The following SCRN1 variants were observed in gnomAD, a reference collection of about 807,000 sequenced individuals.
The protein encoded by SCRN1 is secernin-1.
A neutral mutation model predicts 43.3 loss-of-function variants in SCRN1; 19 were observed. The ratio of observed to expected loss-of-function variants is 0.44; its 90% CI spans 0.31 to 0.64. The LOEUF (loss-of-function observed/expected upper bound fraction) is 0.64, where lower values mean the gene tolerates loss of function less well. SCRN1 is among the 30% of genes least tolerant of loss of function. The pLI, the probability that SCRN1 is intolerant of heterozygous loss-of-function variation, is 0.09. For synonymous variants in SCRN1, 183 were observed against 188.9 expected, an observed-to-expected ratio of 0.97 and a Z score of 0.26; for missense variants, 447 against 524.1, an observed-to-expected ratio of 0.85 and a Z score of 1.44.
intron 1 of SCRN1, among the ~76,000 whole-genome samples, chr7:29,977,027 T>A (rs1459972649): frequency 6.6e-6 from 1 of 152,250 alleles, no homozygotes; most frequent in African/African-American, 2.4e-5. Flanking sequence ...TTTTTCTGCA[T>A]GACTGCCAGA....
chr7:29,965,857 T>G lies in SCRN1; in HGVS notation c.159+3052A>C, dbSNP rs1028572780. The stretch of plus-strand genomic sequence containing the variant: ...AACCATGAGAGTAAAGTAAGAGTTA[T>G]GTAGCCTATCCTCCAAAAAAGAAAA... On this transcript the variant is annotated intron_variant, in intron 2 of 7. Coordinates refer to ENST00000242059, the MANE Select transcript of SCRN1 (RefSeq NM_014766.5). This position sits in a 1 kb window ranked among gnomAD's most constrained non-coding sequence, Gnocchi z 4.2. Among the ~76,000 whole-genome samples the G allele has an allele frequency of 1.3e-5, 2 of 152,182 alleles. No homozygotes were observed. The highest frequency in any genetic ancestry group is 2.9e-5 in the Non-Finnish European group (2 of 68,030).
Position 29,940,781 on chromosome 7 carries a change from AC to A in SCRN1, c.639del (p.Trp213CysfsTer21). ...ELRSYAQSQG[W>X]WTGEGEFNFS... is the part of the protein sequence containing the mutation. Reference sequence around the variant, plus strand: ...AAATTGAACTCGCCCTCTCCCGTCCACCAACCTTGGCTCTGAGCGTAACTCC... The same window carrying A: ...AAATTGAACTCGCCCTCTCCCGTCCACAACCTTGGCTCTGAGCGTAACTCC... On this transcript the variant is annotated frameshift_variant, in exon 5 of 8. Transcript: ENST00000242059. LOFTEE classifies it high-confidence loss of function. The A allele has an allele frequency of 1.2e-6, 2 of 1,610,618 alleles. No homozygotes were observed. Among genetic ancestry groups the A allele is most frequent in the Non-Finnish European group, 1.7e-6 (2 of 1,179,132 alleles).
chr7:29,963,007 G>A (rs549416923), intron 2 of SCRN1, among the ~76,000 whole-genome samples: 4 of 150,832 alleles, frequency 2.7e-5, no homozygotes, highest in African/African-American at 9.8e-5. Flanking sequence ...TTGGAACTGA[G>A]ACCCGGAGTC....
chr7:29,958,901 C>T (rs1296197614), intron 2 of SCRN1, among the ~76,000 whole-genome samples: 2 of 152,166 alleles, frequency 1.3e-5, no homozygotes, highest in African/African-American at 4.8e-5. Context: ...TCCAAGGATC[C>T]GCCTGTCCTG....
intron 5 of SCRN1, 48 bp downstream of exon 5, chr7:29,940,634 A>T (rs768704750): frequency 1.3e-6 from 2 of 1,507,404 alleles, no homozygotes; most frequent in African/African-American, 2.9e-5. Flanking sequence ...AAACAGCTGC[A>T]AGAGAAAGGG....
At chr7:29,976,650 G>C (rs1470151530) in intron 1 of SCRN1, among the ~76,000 whole-genome samples, 1 of 152,230 alleles carries the variant, frequency 6.6e-6, no homozygotes, top group Non-Finnish European at 1.5e-5. Context: ...TACCATATTA[G>C]ACCATCCAGC....
intron 1 of SCRN1, among the ~76,000 whole-genome samples, chr7:29,974,129 T>C (rs1408556325): frequency 7.9e-5 from 12 of 152,202 alleles, no homozygotes; most frequent in Admixed American, 7.9e-4. Context: ...TTCCTCTAAT[T>C]TCCAACTTTC....
chr7:29,953,544 A>C (rs1422069463), intron 3 of SCRN1, among the ~76,000 whole-genome samples: 4 of 152,210 alleles, frequency 2.6e-5, no homozygotes, highest in Non-Finnish European at 5.9e-5. Context: ...AAAAAAAAAA[A>C]AACTTCTTGT....
chr7:29,975,739 G>A (rs1161784299), intron 1 of SCRN1, among the ~76,000 whole-genome samples: 1 of 152,158 alleles, frequency 6.6e-6, no homozygotes, highest in Non-Finnish European at 1.5e-5. Flanking sequence ...GCTTCTTTGT[G>A]GCAAATACCC....
intron 1 of SCRN1, among the ~76,000 whole-genome samples, chr7:29,969,598 A>G (rs1788606114): frequency 6.6e-6 from 1 of 152,014 alleles, no homozygotes; most frequent in Non-Finnish European, 1.5e-5. Context: ...ATGACATAAC[A>G]CTCAAACACC....
At chr7:29,990,098 T>A (rs62446663), upstream of SCRN1, 3 of 1,545,416 alleles carry the variant, frequency 1.9e-6, no homozygotes, top group African/African-American at 4.1e-5. Context: ...AGCATCCTTT[T>A]GGCGCCTCTT....
At chr7:29,985,147 C>T (rs1789111582) in intron 1 of SCRN1, among the ~76,000 whole-genome samples, 1 of 143,778 alleles carries the variant, frequency 7.0e-6, no homozygotes. Context: ...TGGCTCACAC[C>T]TGTAATCCCA....
Position 29,969,057 on chromosome 7 carries a change from G to A in SCRN1, c.11C>T (p.Ala4Val), listed in dbSNP as rs776188637. The A allele has an allele frequency of 8.7e-6, 14 of 1,612,970 alleles. No individual in the cohort carries two copies. In the African/African-American group the frequency reaches 1.6e-4, roughly 18 times the overall value. The change falls in exon 2 of 8, where the codon GCT (alanine) becomes GTT (valine). Residue 4 changes from alanine (A) to valine (V), a missense_variant. By Grantham distance (64) the Ala-to-Val change is moderately conservative. Transcript: ENST00000242059. Reference protein sequence around the residue: MAAAPPSYCFVAFP... With the variant: MAAVPPSYCFVAFP... ...GGCAACAAAACAGTAACTTGGAGGAGCTGCAGCCATCCTGAAAAGAGAATG... is the reference window on the plus strand; with the variant it reads ...GGCAACAAAACAGTAACTTGGAGGAACTGCAGCCATCCTGAAAAGAGAATG...
chr7:29,934,119 G>A (rs1267410970), intron 6 of SCRN1, among the ~76,000 whole-genome samples: 3 of 152,222 alleles, frequency 2.0e-5, no homozygotes, highest in Non-Finnish European at 4.4e-5. Flanking sequence ...GGTAGGAAAT[G>A]CAGCTCTTTT....
chr7:29,940,828 T>A lies in SCRN1; in HGVS notation c.593A>T (p.Asp198Val). 6.2e-7 allele frequency: 1 copy of A among 1,600,004 alleles called. No homozygotes were observed. Among genetic ancestry groups the A allele is most frequent in the African/African-American group, 1.3e-5 (1 of 74,174 alleles). ...CSQLSLTTKMDAEHPELRSYA... is the reference protein window; with the variant it reads ...CSQLSLTTKMVAEHPELRSYA... ...ACTCCTGAGTTCCGGATGCTCTGCA[T>A]CCATCTTAGTGGTGAGCGAAAGCTG... The change falls in exon 5 of 8, where the codon GAT becomes GTT. Residue 198 changes from aspartate to valine, a missense_variant. By Grantham distance (152) the Asp-to-Val change is radical (BLOSUM62 -3). Coordinates refer to ENST00000242059, the MANE Select transcript of SCRN1 (RefSeq NM_014766.5).
At chr7:29,944,305 C>T (rs910868101) in intron 3 of SCRN1, 126 bp from the exon 4 acceptor site, 21 of 761,798 alleles carry the variant, frequency 2.8e-5, no homozygotes, top group Non-Finnish European at 4.6e-5. Context: ...GTTAAGTCTG[C>T]AGAACAATAA....
In SCRN1 at chr7:29,980,355, T is replaced by C. The variant is rs181877809; in HGVS notation, c.-2+9287A>G. On this transcript the variant is annotated intron_variant, in intron 1 of 7. Transcript: ENST00000242059. ...CAGGTCCTTTCATTTCCTTCTGTTC[T>C]TATTTTTGACATTGCTGCCATTGTG... Among the ~76,000 whole-genome samples the C allele has an allele frequency of 4.1e-4, 62 of 152,326 alleles. 1 individual carries two copies. Among genetic ancestry groups the C allele is most frequent in the African/African-American group, 1.3e-3 (56 of 41,570 alleles).
intron 2 of SCRN1, among the ~76,000 whole-genome samples, chr7:29,961,784 C>A (rs1011899068): frequency 1.4e-5 from 2 of 146,548 alleles, no homozygotes; most frequent in Non-Finnish European, 3.1e-5. Context: ...GGGCTGACCC[C>A]CCCACCTCCC....
At chr7:29,947,810 T>C (rs1380531695) in intron 3 of SCRN1, among the ~76,000 whole-genome samples, 1 of 152,176 alleles carries the variant, frequency 6.6e-6, no homozygotes, top group Non-Finnish European at 1.5e-5. Flanking sequence ...GGAGGCACCA[T>C]GATGGGATTA....
Sources: gnomAD v4.1 joint callset for allele counts (sites outside exome capture counted in the v4.1 genomes callset) on GRCh38, gnomAD v4.1.1 for gene constraint, Gnocchi (gnomAD v3.1) non-coding constraint, MANE v1.5 for transcripts, NCBI Gene and HGNC (gene_info 2026-07-23, HGNC 2026-07-21) for gene names.